Variants in FBLIM1 observed in about 807,000 individuals in gnomAD.
FBLIM1 encodes filamin binding LIM protein 1.
Under a neutral mutation model 37.4 loss-of-function variants are expected in FBLIM1, and 29 were observed. The ratio of observed to expected loss-of-function variants is 0.77; its 90% CI spans 0.58 to 1.06. The LOEUF (loss-of-function observed/expected upper bound fraction) is 1.06, where lower values mean the gene tolerates loss of function less well. Ranked by LOEUF, FBLIM1 falls within the 50% of genes least tolerant of loss-of-function variation. The pLI is 0.00. For synonymous variants in FBLIM1, 193 were observed against 199.0 expected (o/e 0.97, Z 0.25); for missense variants, 449 against 505.6 (o/e 0.89, Z 1.07).
chr1:15,766,355 G>T (rs1039429058), intron 3 of FBLIM1, among the ~76,000 whole-genome samples: 1 of 152,166 alleles, frequency 6.6e-6, no homozygotes, highest in Non-Finnish European at 1.5e-5. Context: ...GGAGTGCAGT[G>T]GTGCGATCTC....
Position 15,764,656 on chromosome 1 carries a change from C to T in FBLIM1, c.-50C>T, listed in dbSNP as rs1005695591. On this transcript the variant is annotated 5_prime_UTR_variant, in exon 2 of 9. Transcript: ENST00000375766. ...AGCTGAAGCATCTGTTCCTTCCTCG[C>T]GGGTGTGAGACAAGGAAGAGTGATC... The T allele has an allele frequency of 1.3e-4, 41 of 308,090 alleles. No individual in the cohort carries two copies. Among genetic ancestry groups the T allele is most frequent in the Admixed American group, 4.9e-5 (1 of 20,260 alleles). 19.1% of individuals were successfully genotyped at this position (308,090 alleles called of 1,614,324 possible). A position where few individuals can be genotyped will look rare whatever the true frequency, so the allele number is the denominator to read the frequency against.
rs752332339 is a variant in FBLIM1, at chr1:15,784,531, T to C, written c.1009-17T>C. On this transcript the variant is annotated splice_polypyrimidine_tract_variant and intron_variant, in intron 8 of 8. Coordinates refer to ENST00000375766, the MANE Select transcript of FBLIM1 (RefSeq NM_017556.4). The stretch of plus-strand genomic sequence containing the variant: ...CCCAGGCCCAGGGCGGGTCAGCATG[T>C]GTCTTTGTCTCCCCAGGACTGCAGG... 15 of 1,608,930 alleles carry C rather than the reference T, an allele frequency of 9.3e-6. No individual in the cohort carries two copies. Among genetic ancestry groups the C allele is most frequent in the Non-Finnish European group, 1.2e-5 (14 of 1,176,182 alleles).
chr1:15,762,820 C>A (rs1041733846), intron 1 of FBLIM1, among the ~76,000 whole-genome samples: 1 of 152,236 alleles, frequency 6.6e-6, no homozygotes, highest in Non-Finnish European at 1.5e-5. Context: ...TTTCGTCCAC[C>A]CTTGGCAGCA....
intron 6 of FBLIM1, among the ~76,000 whole-genome samples, chr1:15,773,188 C>T (rs1218199542): frequency 6.6e-6 from 1 of 152,094 alleles, no homozygotes; most frequent in Non-Finnish European, 1.5e-5. Flanking sequence ...GAGTTCGAGA[C>T]CAGCCTGACC....
At chr1:15,771,979 T>G (rs1380816361) in intron 6 of FBLIM1, among the ~76,000 whole-genome samples, 1 of 152,024 alleles carries the variant, frequency 6.6e-6, no homozygotes, top group Non-Finnish European at 1.5e-5. Context: ...GGGTACCAAG[T>G]GCAATCTGGG....
chr1:15,770,737 C>T (rs1352656683), intron 6 of FBLIM1, among the ~76,000 whole-genome samples, 159 bp downstream of exon 6: 1 of 152,102 alleles, frequency 6.6e-6, no homozygotes, highest in Non-Finnish European at 1.5e-5. Flanking sequence ...CCAGTGAAGG[C>T]GATTGGTTTC....
intron 5 of FBLIM1, among the ~76,000 whole-genome samples, chr1:15,769,449 C>T (rs541213316): frequency 2.0e-5 from 3 of 150,998 alleles, no homozygotes; most frequent in Non-Finnish European, 4.4e-5. Flanking sequence ...TGCTCTCCAG[C>T]CTGGGTGACA....
rs977833901 is a variant in FBLIM1, at chr1:15,765,975, G to A, written c.250+742G>A. On this transcript the variant is annotated intron_variant, in intron 3 of 8. Transcript: ENST00000375766. This position sits in a 1 kb window ranked among gnomAD's most constrained non-coding sequence, Gnocchi z 5.9. ...ATCGGAGCCTCTTTCTCTCACTTCC[G>A]CTGAGTCAGCAGCAGCATCACCCGG... Among the ~76,000 whole-genome samples, 2 of 152,230 alleles carry A rather than the reference G, an allele frequency of 1.3e-5. No individual in the cohort carries two copies. Among genetic ancestry groups the A allele is most frequent in the South Asian group, 2.1e-4 (1 of 4,824 alleles).
chr1:15,783,394 TC>T (rs1212072081), intron 8 of FBLIM1, among the ~76,000 whole-genome samples: 1 of 151,982 alleles, frequency 6.6e-6, no homozygotes, highest in African/African-American at 2.4e-5. Flanking sequence ...TGGTCCCAGC[TC>T]CAGAACCAGC....
At chr1:15,767,279 GCCCTCAGCTT>G in intron 3 of FBLIM1, 87 bp from the exon 4 acceptor site, 2 of 1,126,744 alleles carry the variant, frequency 1.8e-6, no homozygotes, top group Non-Finnish European at 2.5e-6. Flanking sequence ...CCCGACCGGG[GCCCTCAGCTT>G]CCCTCTGTAT....
intron 3 of FBLIM1, among the ~76,000 whole-genome samples, chr1:15,766,763 T>C (rs1557690441): frequency 6.6e-6 from 1 of 151,726 alleles, no homozygotes; most frequent in Non-Finnish European, 1.5e-5. Flanking sequence ...CCAGCTAATT[T>C]TGTGTTTTTC....
At chr1:15,771,663 C>T (rs1054412133) in intron 6 of FBLIM1, among the ~76,000 whole-genome samples, 4 of 152,020 alleles carry the variant, frequency 2.6e-5, no homozygotes, top group Admixed American at 1.3e-4. Flanking sequence ...TACAGGGACA[C>T]GCGATGGCAT....
At position 15,765,709 on chromosome 1, in the gene FBLIM1, G is replaced by A. The variant is rs370587061; in HGVS notation, c.250+476G>A. 4.6e-5 allele frequency among the ~76,000 whole-genome samples: 7 copies of A among 152,150 alleles called. No homozygotes were observed. Among genetic ancestry groups the A allele is most frequent in the African/African-American group, 9.6e-5 (4 of 41,482 alleles). On this transcript the variant is annotated intron_variant, in intron 3 of 8. Transcript: ENST00000375766. The surrounding 1 kb of genome is among the most constrained non-coding windows in gnomAD (Gnocchi z 5.9). Reference sequence around the variant, plus strand: ...GGGATGCTGCCAGCTGCTTGAAGCCGTCTACACCGAAGGCTGCCATCTGCC... The same window carrying A: ...GGGATGCTGCCAGCTGCTTGAAGCCATCTACACCGAAGGCTGCCATCTGCC...
At chr1:15,762,655 G>T (rs1010911391) in intron 1 of FBLIM1, among the ~76,000 whole-genome samples, 8 of 152,192 alleles carry the variant, frequency 5.3e-5, no homozygotes, top group Non-Finnish European at 7.3e-5. Flanking sequence ...CTCCCAAAGT[G>T]CTGTGATTAC....
intron 8 of FBLIM1, among the ~76,000 whole-genome samples, chr1:15,781,735 TTGAGACGGAG>T (rs1267095776): frequency 2.7e-5 from 4 of 149,236 alleles, no homozygotes; most frequent in African/African-American, 9.8e-5. Flanking sequence ...TTTTTTTTTT[TTGAGACGGAG>T]TCTCGCTCTG....
intron 8 of FBLIM1, among the ~76,000 whole-genome samples, chr1:15,779,484 G>A (rs1290104309): frequency 2.0e-5 from 3 of 150,762 alleles, no homozygotes; most frequent in African/African-American, 7.3e-5. Flanking sequence ...TTTGTATTTA[G>A]TAGAGATGAG....
At chr1:15,768,044 GGCTAATTTATTGT>G (rs1418801365) in intron 4 of FBLIM1, among the ~76,000 whole-genome samples, 3 of 152,088 alleles carry the variant, frequency 2.0e-5, no homozygotes, top group Non-Finnish European at 2.9e-5. Context: ...CACCATGCCT[GGCTAATTTATTGT>G]GCTTTTATAG....
intron 1 of FBLIM1, among the ~76,000 whole-genome samples, chr1:15,763,577 A>T (rs144386903): frequency 0.016 from 2,447 of 150,574 alleles, 39 homozygotes; most frequent in Non-Finnish European, 0.023. Context: ...TGGAGCTTGC[A>T]GTGAGCCAAG....
chr1:15,762,399 A>G (rs750413294), intron 1 of FBLIM1, among the ~76,000 whole-genome samples: 9 of 151,778 alleles, frequency 5.9e-5, no homozygotes, highest in Non-Finnish European at 1.0e-4. Flanking sequence ...AGTAGCTGAG[A>G]TAACAGGCGT....
Sources: allele counts gnomAD v4.1 joint callset (sites outside exome capture counted in the v4.1 genomes callset), GRCh38; gene constraint gnomAD v4.1.1; non-coding constraint Gnocchi (gnomAD v3.1); transcripts MANE v1.5; gene names NCBI Gene and HGNC (gene_info 2026-07-23, HGNC 2026-07-21).